Variants in SPATA9 observed in about 807,000 individuals in gnomAD.
The protein encoded by SPATA9 is spermatogenesis associated 9.
SPATA9 carries 27 observed loss-of-function variants against 25.5 expected under a neutral mutation model. That is an observed-to-expected ratio of 1.06 (90% CI 0.78 to 1.46). The LOEUF (loss-of-function observed/expected upper bound fraction) is 1.46, where lower values mean the gene tolerates loss of function less well. SPATA9 is among the 40% of genes most tolerant of loss of function. The pLI, the probability that SPATA9 is intolerant of heterozygous loss-of-function variation, is 0.00. For synonymous variants in SPATA9, 102 were observed against 105.7 expected (o/e 0.97, Z 0.21); for missense variants, 282 against 297.5 (o/e 0.95, Z 0.38).
chr5:95,679,088 T>C (rs1018329501), intron 2 of SPATA9, among the ~76,000 whole-genome samples: 4 of 152,214 alleles, frequency 2.6e-5, no homozygotes, highest in Non-Finnish European at 4.4e-5. Flanking sequence ...ACCATGCTTA[T>C]GGTTCTAATG....
intron 3 of SPATA9, among the ~76,000 whole-genome samples, chr5:95,673,801 G>C (rs1351372595): frequency 6.7e-6 from 1 of 150,098 alleles, no homozygotes; most frequent in Non-Finnish European, 1.5e-5. Flanking sequence ...CTGAAGTGCA[G>C]TGGTGCAATC....
chr5:95,691,288 C>T (rs1166038866), intron 1 of SPATA9, among the ~76,000 whole-genome samples: 1 of 151,828 alleles, frequency 6.6e-6, no homozygotes, highest in Non-Finnish European at 1.5e-5. Flanking sequence ...TAGGCTGTTA[C>T]TTTCATCCAT....
the SPATA9 span, among the ~76,000 whole-genome samples, chr5:95,705,428 T>C: frequency 6.6e-6 from 1 of 152,226 alleles, no homozygotes; most frequent in Non-Finnish European, 1.5e-5. Context: ...TAATTCCATG[T>C]TACTAGCATG....
chr5:95,728,674 AC>A, the SPATA9 span, among the ~76,000 whole-genome samples: 3 of 152,186 alleles, frequency 2.0e-5, no homozygotes, highest in Non-Finnish European at 4.4e-5. Context: ...AGGGGTCTGA[AC>A]CAGAATGACT....
At chr5:95,703,627 C>T (rs777641504), upstream of SPATA9, among the ~76,000 whole-genome samples, 50 of 150,644 alleles carry the variant, frequency 3.3e-4, no homozygotes, top group South Asian at 6.3e-4. Context: ...AGAGTGAGAG[C>T]CCATCTCAAA....
At chr5:95,730,642 C>T in the SPATA9 span, among the ~76,000 whole-genome samples, 52 of 152,268 alleles carry the variant, frequency 3.4e-4, no homozygotes, top group African/African-American at 1.3e-3. Flanking sequence ...ACGTTAAACC[C>T]CCATACATAA....
chr5:95,654,155 A>G (rs1357436507), downstream of SPATA9: 21 of 1,612,574 alleles, frequency 1.3e-5, no homozygotes, highest in Admixed American at 1.7e-5. Flanking sequence ...ATCTGAAAGA[A>G]TGACAGCTGT....
At chr5:95,731,495 C>T in the SPATA9 span, 7 of 1,244,078 alleles carry the variant, frequency 5.6e-6, no homozygotes, top group African/African-American at 4.7e-5. Flanking sequence ...CCGCCCTGGT[C>T]CCCGGCTCGC....
chr5:95,731,339 AG>A, the SPATA9 span: 1 of 1,105,420 alleles, frequency 9.0e-7, no homozygotes, highest in Non-Finnish European at 1.1e-6. Context: ...CAGCGGCAGC[AG>A]GAGGCGACAG....
rs1752845846 is a variant in SPATA9, at chr5:95,675,525, C to G, written c.265G>C (p.Val89Leu). 1.9e-6 allele frequency: 3 copies of G among 1,614,012 alleles called. No homozygotes were observed. Among genetic ancestry groups the G allele is most frequent in the Non-Finnish European group, 2.5e-6 (3 of 1,180,020 alleles). The change falls in exon 3 of 5, where the codon GTG becomes CTG. Residue 89 changes from valine to leucine, a missense_variant. By Grantham distance (32) the Val-to-Leu change is conservative. Transcript: ENST00000274432. ...AGCTGAGGATGCAGAAGTTTGGCCA[C>G]TGATTTGGAGGATCTGGATATGCTG... Reference protein sequence around the residue: ...LNSISRSSKSVAKLLHPQLAC... With the variant: ...LNSISRSSKSLAKLLHPQLAC...
At chr5:95,718,034 G>A in the SPATA9 span, among the ~76,000 whole-genome samples, 1 of 152,164 alleles carries the variant, frequency 6.6e-6, no homozygotes, top group African/African-American at 2.4e-5. Flanking sequence ...TAATTTTCCA[G>A]GTGAGCAATT....
the SPATA9 span, among the ~76,000 whole-genome samples, chr5:95,710,330 C>A: frequency 1.3e-5 from 2 of 152,186 alleles, no homozygotes; most frequent in Non-Finnish European, 2.9e-5. Context: ...TCAAACGAGG[C>A]TGATCTAACA....
At chr5:95,669,656 T>C (rs1561401948) in intron 3 of SPATA9, among the ~76,000 whole-genome samples, 1 of 152,194 alleles carries the variant, frequency 6.6e-6, no homozygotes, top group Non-Finnish European at 1.5e-5. Flanking sequence ...TGGCTCTGCA[T>C]TGGCCTGCCA....
At chr5:95,682,141 C>A (rs966147915) in intron 2 of SPATA9, among the ~76,000 whole-genome samples, 4 of 152,100 alleles carry the variant, frequency 2.6e-5, no homozygotes, top group African/African-American at 9.7e-5. Context: ...AACACACATC[C>A]ATGTTGTATT....
chr5:95,654,490 T>A, downstream of SPATA9: 1 of 702,766 alleles, frequency 1.4e-6, no homozygotes, highest in Non-Finnish European at 2.4e-6. Context: ...TGGGAATTCA[T>A]AAGATAAATG....
the SPATA9 span, among the ~76,000 whole-genome samples, chr5:95,714,396 A>T: frequency 6.6e-6 from 1 of 152,220 alleles, no homozygotes; most frequent in Admixed American, 6.5e-5. Flanking sequence ...AACATGTAGG[A>T]GACTGACTGA....
chr5:95,731,186 G>A, the SPATA9 span: 1 of 1,007,046 alleles, frequency 9.9e-7, no homozygotes, highest in Non-Finnish European at 1.2e-6. Flanking sequence ...CGCCACCGGA[G>A]CTCCCGGGGC....
chr5:95,659,897 AAGTTTTTCCTCCT>A (rs1351515577), intron 4 of SPATA9, among the ~76,000 whole-genome samples: 3 of 152,094 alleles, frequency 2.0e-5, no homozygotes, highest in African/African-American at 7.2e-5. Context: ...ATTTTTGGAA[AAGTTTTTCCTCCT>A]ATATAGACTG....
chr5:95,672,472 T>A (rs991301612), intron 3 of SPATA9, among the ~76,000 whole-genome samples: 8 of 151,662 alleles, frequency 5.3e-5, no homozygotes, highest in East Asian at 3.9e-4. Flanking sequence ...TTTTTTTTTT[T>A]AAATAAACAA....
Sources: allele counts gnomAD v4.1 joint callset (sites outside exome capture counted in the v4.1 genomes callset), GRCh38; gene constraint gnomAD v4.1.1; transcripts MANE v1.5; gene names NCBI Gene and HGNC (gene_info 2026-07-23, HGNC 2026-07-21).